Variants in IMPA1 observed in about 807,000 individuals in gnomAD.
IMPA1 encodes the protein inositol monophosphatase 1, also known as D-galactose 1-phosphate phosphatase.
IMPA1 carries 21 observed loss-of-function variants against 34.9 expected under a neutral mutation model. The observed-to-expected ratio is 0.60, with a 90% CI of 0.43 to 0.87. The LOEUF (loss-of-function observed/expected upper bound fraction) is 0.87. IMPA1 is among the 40% of genes least tolerant of loss of function. The probability of loss-of-function intolerance (pLI) is 0.00; values close to 1 mark genes in which losing one functional copy is unlikely to be tolerated. For synonymous variants in IMPA1, 95 were observed against 104.4 expected (o/e 0.91, Z 0.55); for missense variants, 299 against 336.4 (o/e 0.89, Z 0.87).
chr8:81,686,134 C>A, intron 1 of IMPA1, 118 bp downstream of exon 1: 1 of 826,920 alleles, frequency 1.2e-6, no homozygotes, highest in Non-Finnish European at 1.6e-6. Flanking sequence ...CTGCCTCCAC[C>A]CTAGGCGCCG....
chr8:81,660,439 A>T, intron 8 of IMPA1, 77 bp downstream of exon 8: 1 of 1,373,490 alleles, frequency 7.3e-7, no homozygotes, highest in Non-Finnish European at 1.0e-6. Context: ...ACATATATCA[A>T]AAAGTTTTTT....
intron 7 of IMPA1, 103 bp from the exon 8 acceptor site, chr8:81,660,770 G>C (rs761284340): frequency 6.6e-6 from 5 of 758,776 alleles, no homozygotes; most frequent in Non-Finnish European, 4.0e-6. Flanking sequence ...AACTTGGAAC[G>C]ATCTAGAGGA....
intron 7 of IMPA1, 28 bp downstream of exon 7, chr8:81,670,910 GA>G (rs1216979006): frequency 8.6e-7 from 1 of 1,159,730 alleles, no homozygotes; most frequent in Non-Finnish European, 1.2e-6. Context: ...TATACAAAGA[GA>G]GAGATAGAAT....
At position 81,673,568 on chromosome 8, in the gene IMPA1, C is replaced by G. The variant is rs560610336; in HGVS notation, c.457+273G>C. On this transcript the variant is annotated intron_variant, in intron 6 of 8. Transcript: ENST00000256108. Reference sequence around the variant, plus strand: ...AACTTCTAAACTGATTGAGACCTGTCTCAGATATTTTGGGTTCACAATAGG... The same window carrying G: ...AACTTCTAAACTGATTGAGACCTGTGTCAGATATTTTGGGTTCACAATAGG... Among the ~76,000 whole-genome samples, 10 of 152,346 alleles carry G rather than the reference C, an allele frequency of 6.6e-5. No homozygotes were observed. In the South Asian group the frequency reaches 2.1e-3, roughly 32 times the overall value.
intron 7 of IMPA1, among the ~76,000 whole-genome samples, chr8:81,665,197 T>C (rs1443000362): frequency 1.3e-5 from 2 of 152,104 alleles, no homozygotes; most frequent in East Asian, 1.9e-4. Context: ...GGGAATAAAA[T>C]GAATATCAAT....
intron 7 of IMPA1, 35 bp from the exon 8 acceptor site, chr8:81,660,702 A>G: frequency 6.4e-7 from 1 of 1,563,296 alleles, no homozygotes; most frequent in South Asian, 1.2e-5. Context: ...AATTGGAAAA[A>G]ATAATCCTTT....
chr8:81,667,136 A>T (rs1179663123), intron 7 of IMPA1, among the ~76,000 whole-genome samples: 3 of 152,114 alleles, frequency 2.0e-5, no homozygotes, highest in Non-Finnish European at 2.9e-5. Flanking sequence ...GACAAAAAAA[A>T]TTAATTAGGT....
chr8:81,678,401 CAT>C (rs1191431003), intron 4 of IMPA1, among the ~76,000 whole-genome samples: 2 of 152,030 alleles, frequency 1.3e-5, no homozygotes, highest in Non-Finnish European at 2.9e-5. Flanking sequence ...TCTTTGAAAA[CAT>C]ATCTTTGGCC....
intron 7 of IMPA1, among the ~76,000 whole-genome samples, chr8:81,669,313 C>T (rs1323836045): frequency 6.6e-6 from 1 of 152,160 alleles, no homozygotes; most frequent in Non-Finnish European, 1.5e-5. Context: ...ATGCAAGGTA[C>T]ACCTTGGAAA....
intron 7 of IMPA1, among the ~76,000 whole-genome samples, chr8:81,664,413 C>T (rs1034461268): frequency 6.6e-6 from 1 of 152,174 alleles, no homozygotes; most frequent in Admixed American, 6.5e-5. Flanking sequence ...CCCGTAGATA[C>T]ACAGAGTAGG....
chr8:81,677,688 CAAAAAT>C (rs1346961887), intron 4 of IMPA1, among the ~76,000 whole-genome samples: 1 of 152,122 alleles, frequency 6.6e-6, no homozygotes, highest in African/African-American at 2.4e-5. Context: ...TTTATTTTAA[CAAAAAT>C]AAGATACTAT....
Position 81,685,704 on chromosome 8 carries a change from G to GTT in IMPA1, c.-25+546_-25+547dup, listed in dbSNP as rs1025014616. On this transcript the variant is annotated intron_variant, in intron 1 of 8. Coordinates refer to ENST00000256108, the MANE Select transcript of IMPA1 (RefSeq NM_005536.4). ...TATAGTTATATATAATATATGAATAGTTATATATATATAAATCACAGTACA... is the reference window on the plus strand; with the variant it reads ...TATAGTTATATATAATATATGAATAGTTTTATATATATATAAATCACAGTACA... 2.0e-5 allele frequency: 17 copies of GTT among 841,680 alleles called. No homozygotes were observed. In the African/African-American group the frequency reaches 2.4e-4, roughly 12 times the overall value. The allele number at this position is 841,680 out of a possible 1,614,324, so 52.1% of individuals were successfully genotyped here.
chr8:81,665,509 G>A (rs1409057470), intron 7 of IMPA1, among the ~76,000 whole-genome samples: 2 of 152,122 alleles, frequency 1.3e-5, no homozygotes, highest in Non-Finnish European at 2.9e-5. Context: ...AAGACACAAA[G>A]GAGATGGAGC....
intron 1 of IMPA1, among the ~76,000 whole-genome samples, chr8:81,685,578 G>GT (rs1807490557): frequency 1.4e-5 from 2 of 144,450 alleles, no homozygotes; most frequent in Admixed American, 1.4e-4. Context: ...TAAGTATACA[G>GT]AAGTATATTT....
intron 1 of IMPA1, chr8:81,685,867 G>T (rs771711851): frequency 1.3e-6 from 2 of 1,548,906 alleles, no homozygotes; most frequent in South Asian, 2.4e-5. Flanking sequence ...TTTGCCACCT[G>T]TCCCAGCACC....
In IMPA1 at chr8:81,658,702, CTAGA is replaced by C. The variant is rs1806583696; in HGVS notation, c.*645_*648del. 1.3e-5 allele frequency: 2 copies of C among 152,534 alleles called. No homozygotes were observed. The highest frequency in any genetic ancestry group is 2.9e-5 in the Non-Finnish European group (2 of 68,026). 9.4% of individuals were successfully genotyped at this position (152,534 alleles called of 1,614,324 possible). A position where few individuals can be genotyped will look rare whatever the true frequency, so the allele number is the denominator to read the frequency against. ...GTAACGTGAAATAAAAAAAATTTAA[CTAGA>C]TAATTTTTACTTCAAACCTGAAGCA... On this transcript the variant is annotated 3_prime_UTR_variant, in exon 9 of 9. Coordinates refer to ENST00000256108, the MANE Select transcript of IMPA1 (RefSeq NM_005536.4).
chr8:81,670,375 GAAAC>G (rs560061008), intron 7 of IMPA1, among the ~76,000 whole-genome samples: 171 of 151,444 alleles, frequency 1.1e-3, no homozygotes, highest in South Asian at 8.0e-3. Context: ...GAAAAAAAAG[GAAAC>G]AAACCAAAAG....
At chr8:81,660,920 A>T (rs1257920329) in intron 7 of IMPA1, among the ~76,000 whole-genome samples, 19 of 152,350 alleles carry the variant, frequency 1.2e-4, no homozygotes, top group Admixed American at 1.2e-3. Context: ...ATTTTTCATA[A>T]AAAATAAAGA....
At chr8:81,663,111 A>G (rs772096301) in intron 7 of IMPA1, among the ~76,000 whole-genome samples, 9 of 152,236 alleles carry the variant, frequency 5.9e-5, no homozygotes, top group Non-Finnish European at 1.3e-4. Context: ...TCCTGGTTAT[A>G]CTTTTGAAAA....
Sources: gnomAD v4.1 joint callset for allele counts (sites outside exome capture counted in the v4.1 genomes callset) on GRCh38, gnomAD v4.1.1 for gene constraint, MANE v1.5 for transcripts, NCBI Gene and HGNC (gene_info 2026-07-23, HGNC 2026-07-21) for gene names.